KHDRBS2: variants seen among roughly 807,000 people sequenced by gnomAD.
KHDRBS2 encodes KH RNA binding domain containing, signal transduction associated 2.
A neutral mutation model predicts 44.3 loss-of-function variants in KHDRBS2; 26 were observed. That is an observed-to-expected ratio of 0.59 (90% CI 0.43 to 0.81). The LOEUF is 0.81. Among genes scored for constraint, KHDRBS2 ranks in the 40% least tolerant of loss-of-function variants. KHDRBS2 has a pLI of 0.00. For synonymous variants in KHDRBS2, 194 were observed against 151.1 expected, an observed-to-expected ratio of 1.28 and a Z score of -2.08; for missense variants, 476 against 433.1, an observed-to-expected ratio of 1.10 and a Z score of -0.88.
the KHDRBS2 span, among the ~76,000 whole-genome samples, chr6:61,578,650 TGTCATA>T: frequency 0.024 from 3,714 of 152,280 alleles, 71 homozygotes; most frequent in Middle Eastern, 0.085. Context: ...ATTGCGTTCG[TGTCATA>T]GTCATAGTGA....
At chr6:61,543,679 T>G in the KHDRBS2 span, among the ~76,000 whole-genome samples, 104 of 152,172 alleles carry the variant, frequency 6.8e-4, no homozygotes, top group African/African-American at 2.3e-3. Flanking sequence ...TATTCAAATA[T>G]CCGAGATTTG....
chr6:62,048,121 T>TTCACACACAC, intron 2 of KHDRBS2, 127 bp from the exon 3 acceptor site: 1 of 404,320 alleles, frequency 2.5e-6, no homozygotes, highest in African/African-American at 2.2e-5. Context: ...GCCATAAACA[T>TTCACACACAC]ACACACACAC....
intron 5 of KHDRBS2, among the ~76,000 whole-genome samples, chr6:61,899,733 G>GCACCCCC (rs71549800): frequency 8.1e-6 from 1 of 123,150 alleles, no homozygotes; most frequent in Non-Finnish European, 1.7e-5. Context: ...TTGTTTTAAT[G>GCACCCCC]CCCCCCCCCC....
At chr6:61,995,154 T>A (rs1776935213) in intron 3 of KHDRBS2, among the ~76,000 whole-genome samples, 1 of 152,070 alleles carries the variant, frequency 6.6e-6, no homozygotes. Context: ...ATATAGGGTA[T>A]CTATATGTTG....
chr6:61,869,847 G>C, intron 6 of KHDRBS2, among the ~76,000 whole-genome samples: 1 of 152,182 alleles, frequency 6.6e-6, no homozygotes. Context: ...CTTTTCCCAC[G>C]GTCTTCACAA....
intron 3 of KHDRBS2, among the ~76,000 whole-genome samples, chr6:62,009,895 GTA>G (rs1779977452): frequency 6.6e-6 from 1 of 152,206 alleles, no homozygotes; most frequent in African/African-American, 2.4e-5. Flanking sequence ...GGGTCCTCAT[GTA>G]GAAGCTCTGC....
intron 2 of KHDRBS2, among the ~76,000 whole-genome samples, chr6:62,069,455 T>C (rs376155261): frequency 2.0e-5 from 3 of 151,720 alleles, no homozygotes; most frequent in Non-Finnish European, 4.4e-5. Flanking sequence ...AGTTATTATT[T>C]TTTTCTTGTA....
intron 4 of KHDRBS2, among the ~76,000 whole-genome samples, chr6:61,953,535 G>C (rs1765220425): frequency 6.6e-6 from 1 of 152,016 alleles, no homozygotes; most frequent in Non-Finnish European, 1.5e-5. Context: ...TATATTGCTA[G>C]CATTTTGACA....
chr6:61,716,687 C>T (rs1174511768), intron 7 of KHDRBS2, among the ~76,000 whole-genome samples: 3 of 151,988 alleles, frequency 2.0e-5, no homozygotes, highest in Admixed American at 6.6e-5. Context: ...CTTTGACAGT[C>T]GTATACATTC....
At chr6:62,114,431 C>T (rs1465137849) in intron 2 of KHDRBS2, among the ~76,000 whole-genome samples, 1 of 152,038 alleles carries the variant, frequency 6.6e-6, no homozygotes, top group Non-Finnish European at 1.5e-5. Flanking sequence ...GATCAGTTCA[C>T]TAAACTTTTC....
intron 1 of KHDRBS2, among the ~76,000 whole-genome samples, chr6:62,250,695 G>C (rs1025579913): frequency 6.6e-6 from 1 of 152,026 alleles, no homozygotes; most frequent in African/African-American, 2.4e-5. Context: ...ATTATCAATG[G>C]ATGCTAAATC....
intron 1 of KHDRBS2, among the ~76,000 whole-genome samples, chr6:62,257,294 G>T (rs1837542564): frequency 6.6e-6 from 1 of 151,956 alleles, no homozygotes; most frequent in Non-Finnish European, 1.5e-5. Context: ...TTGTTAAATG[G>T]ATTTAAGGAA....
chr6:61,977,234 T>C (rs1265001266), intron 4 of KHDRBS2, among the ~76,000 whole-genome samples: 1 of 152,148 alleles, frequency 6.6e-6, no homozygotes, highest in African/African-American at 2.4e-5. Flanking sequence ...GCTTTCTCTG[T>C]TGAAGACTCT....
At position 61,954,929 on chromosome 6, in the gene KHDRBS2, CAT is replaced by C. The variant is rs1261116751; in HGVS notation, c.483+23135_483+23136del. Among the ~76,000 whole-genome samples, 2 of 83,624 alleles carry C rather than the reference CAT, an allele frequency of 2.4e-5. 1 individual carries two copies. The highest frequency in any genetic ancestry group is 5.9e-5 in the Non-Finnish European group (2 of 33,650). The allele number at this position is 83,624 out of a possible 152,430, so 54.9% of individuals were successfully genotyped here. On this transcript the variant is annotated intron_variant, in intron 4 of 8. Transcript: ENST00000281156. ...GTGTGCATACATATATATGTATACA[CAT>C]ACATATGTATGTGTATACATATATA...
chr6:61,859,969 T>G (rs1359877999), intron 6 of KHDRBS2, among the ~76,000 whole-genome samples: 9 of 151,952 alleles, frequency 5.9e-5, no homozygotes, highest in Admixed American at 6.6e-5. Context: ...ATATGGGACA[T>G]TATTTGAGAC....
At chr6:61,622,216 A>C in the KHDRBS2 span, among the ~76,000 whole-genome samples, 2 of 152,242 alleles carry the variant, frequency 1.3e-5, no homozygotes, top group African/African-American at 2.4e-5. Context: ...CTGCTTGCAA[A>C]GGTGTTCACA....
intron 3 of KHDRBS2, among the ~76,000 whole-genome samples, chr6:62,029,904 C>T (rs1454296971): frequency 6.6e-6 from 1 of 151,740 alleles, no homozygotes; most frequent in East Asian, 1.9e-4. Flanking sequence ...GATATAAGCT[C>T]CTTTACTAAG....
rs1052865160 is a variant in KHDRBS2 at position 61,938,017 on chromosome 6, C to T, written c.484-36646G>A. ...ATGTCAGCTAATTTCACCATCTTAA[C>T]CAGAAGCTCCAGGACACCTTCTACA... is the stretch of plus-strand genomic sequence containing the variant. On this transcript the variant is annotated intron_variant, in intron 4 of 8. Transcript: ENST00000281156. 2.0e-5 allele frequency among the ~76,000 whole-genome samples: 3 copies of T among 152,024 alleles called. 1 individual carries two copies. The highest frequency in any genetic ancestry group is 6.6e-5 in the Admixed American group (1 of 15,254).
intron 6 of KHDRBS2, among the ~76,000 whole-genome samples, chr6:61,757,855 C>T (rs897067488): frequency 7.9e-5 from 12 of 152,096 alleles, no homozygotes; most frequent in East Asian, 1.9e-4. Flanking sequence ...CCATTAATAA[C>T]GAAAGGTGTT....
Sources: gnomAD v4.1 joint callset for allele counts (sites outside exome capture counted in the v4.1 genomes callset) on GRCh38, gnomAD v4.1.1 for gene constraint, MANE v1.5 for transcripts, NCBI Gene and HGNC (gene_info 2026-07-23, HGNC 2026-07-21) for gene names.